Variants in CCR3 observed in about 807,000 individuals in gnomAD.
CCR3 encodes the protein C-C motif chemokine receptor 3.
For missense variants in CCR3, 419 were observed against 437.5 expected (o/e 0.96, Z 0.38); for synonymous variants, 203 against 179.2 (o/e 1.13, Z -1.06).
In CCR3 at chr3:46,265,189, T is replaced by C. The variant is rs747879435; in HGVS notation, c.31T>C (p.Phe11Leu). Residue 11 changes from phenylalanine (F) to leucine (L), a missense_variant, in exon 2 of 2, where the codon TTT (phenylalanine) becomes CTT (leucine). By Grantham distance (22) the Phe-to-Leu change is conservative. Transcript: ENST00000395940. ...AACCTCACTAGATACAGTTGAGACC[T>C]TTGGTACCACATCCTACTATGATGA... Reference protein sequence around the residue: MTTSLDTVETFGTTSYYDDVG... With the variant: MTTSLDTVETLGTTSYYDDVG... The C allele has an allele frequency of 1.2e-6, 2 of 1,613,820 alleles. No homozygotes were observed. Among genetic ancestry groups the C allele is most frequent in the Non-Finnish European group, 1.7e-6 (2 of 1,179,798 alleles).
chr3:46,263,718 C>T (rs1028566206), intron 1 of CCR3: 2 of 152,244 alleles, frequency 1.3e-5, no homozygotes, highest in Admixed American at 6.5e-5. Context: ...CAATGGTCCT[C>T]ACTTTCGATA....
At chr3:46,235,676 T>A (rs2125925820) in intron 2 of CCR3, among the ~76,000 whole-genome samples, 1 of 152,362 alleles carries the variant, frequency 6.6e-6, no homozygotes, top group East Asian at 1.9e-4. Context: ...GAGGACCAGA[T>A]GTTTTTGCCT....
chr3:46,252,745 G>A (rs1201120249), intron 1 of CCR3, among the ~76,000 whole-genome samples: 4 of 152,104 alleles, frequency 2.6e-5, no homozygotes, highest in African/African-American at 9.7e-5. Flanking sequence ...GATTTCATTT[G>A]TTCTGGATGA....
At chr3:46,217,066 G>A (rs1383543775) in intron 2 of CCR3, among the ~76,000 whole-genome samples, 1 of 151,992 alleles carries the variant, frequency 6.6e-6, no homozygotes, top group Non-Finnish European at 1.5e-5. Flanking sequence ...ATGACAGATA[G>A]ATAAAAATCC....
chr3:46,265,027 A>G, intron 1 of CCR3, 121 bp from the exon 2 acceptor site: 1 of 664,646 alleles, frequency 1.5e-6, no homozygotes, highest in Non-Finnish European at 2.6e-6. Flanking sequence ...CATGTTAAAG[A>G]ATCCCTAGGC....
At chr3:46,253,320 A>G (rs966023396) in intron 1 of CCR3, among the ~76,000 whole-genome samples, 9 of 152,112 alleles carry the variant, frequency 5.9e-5, no homozygotes, top group African/African-American at 2.2e-4. Flanking sequence ...GCATCTTTGA[A>G]CTACCTCTTG....
At chr3:46,238,356 T>C (rs749631636), upstream of CCR3, among the ~76,000 whole-genome samples, 1 of 152,260 alleles carries the variant, frequency 6.6e-6, no homozygotes, top group Non-Finnish European at 1.5e-5. Flanking sequence ...TCTTGTGTGC[T>C]TATTTGCCAT....
At position 46,246,582 on chromosome 3, in the gene CCR3, C is replaced by T. The variant is rs575460513; in HGVS notation, c.-12+4044C>T. On this transcript the variant is annotated intron_variant, in intron 1 of 1. Transcript: ENST00000395940. ...AGGCAAGGACCGGCCATTTTCACTG[C>T]TTTTGTGGTGGAATGTCATCAGTTA... Among the ~76,000 whole-genome samples the T allele has an allele frequency of 7.0e-4, 106 of 152,080 alleles. 1 individual carries two copies. Among genetic ancestry groups the T allele is most frequent in the Middle Eastern group, 3.4e-3 (1 of 294 alleles).
intron 2 of CCR3, among the ~76,000 whole-genome samples, chr3:46,222,613 CT>C (rs749614362): frequency 1.3e-5 from 2 of 152,136 alleles, no homozygotes; most frequent in Non-Finnish European, 2.9e-5. Context: ...CGCTCCTCAC[CT>C]TGTTCAAGCA....
intron 1 of CCR3, among the ~76,000 whole-genome samples, chr3:46,260,198 G>A (rs1476855631): frequency 6.6e-6 from 1 of 152,152 alleles, no homozygotes; most frequent in African/African-American, 2.4e-5. Flanking sequence ...TGGGGATTGT[G>A]GGTGTTACAA....
intron 1 of CCR3, among the ~76,000 whole-genome samples, chr3:46,249,937 G>A (rs906393590): frequency 1.3e-5 from 2 of 152,072 alleles, no homozygotes; most frequent in Non-Finnish European, 2.9e-5. Context: ...TGGGGTGTGA[G>A]GGCCAGATTC....
At chr3:46,227,311 A>C (rs1265464813) in intron 2 of CCR3, among the ~76,000 whole-genome samples, 1 of 149,384 alleles carries the variant, frequency 6.7e-6, no homozygotes, top group East Asian at 2.0e-4. Flanking sequence ...TATTCCTTTT[A>C]ATGGCTGAAG....
At chr3:46,243,146 C>T (rs1320372853) in intron 1 of CCR3, among the ~76,000 whole-genome samples, 1 of 151,706 alleles carries the variant, frequency 6.6e-6, no homozygotes, top group Non-Finnish European at 1.5e-5. Context: ...TGATAACCTA[C>T]AAATATCCTC....
upstream of CCR3, among the ~76,000 whole-genome samples, chr3:46,240,329 T>A (rs1010894496): frequency 2.6e-5 from 4 of 152,188 alleles, no homozygotes; most frequent in Middle Eastern, 3.2e-3. Context: ...TGGCTCTTGG[T>A]TCCTGGCATT....
upstream of CCR3, among the ~76,000 whole-genome samples, chr3:46,241,516 T>C (rs1700085285): frequency 6.6e-6 from 1 of 152,238 alleles, no homozygotes; most frequent in African/African-American, 2.4e-5. Flanking sequence ...AGTGGCATTC[T>C]ACCCACACTT....
chr3:46,262,797 CG>C (rs1301059165), intron 1 of CCR3, among the ~76,000 whole-genome samples: 1 of 152,064 alleles, frequency 6.6e-6, no homozygotes, highest in East Asian at 1.9e-4. Context: ...TGGGACCACA[CG>C]TATGCGCCAC....
chr3:46,252,369 A>C (rs944516241), intron 1 of CCR3, among the ~76,000 whole-genome samples: 1 of 151,290 alleles, frequency 6.6e-6, no homozygotes, highest in African/African-American at 2.4e-5. Context: ...AGTAGAGACA[A>C]GGTTTCACCA....
intron 1 of CCR3, among the ~76,000 whole-genome samples, chr3:46,254,962 T>C (rs1371956533): frequency 1.3e-5 from 2 of 152,192 alleles, no homozygotes; most frequent in Middle Eastern, 3.2e-3. Flanking sequence ...CTTTTAATTC[T>C]TCAAGGAATC....
At chr3:46,247,174 T>TA (rs1700213508) in intron 1 of CCR3, among the ~76,000 whole-genome samples, 1 of 152,110 alleles carries the variant, frequency 6.6e-6, no homozygotes, top group African/African-American at 2.4e-5. Context: ...CACGAGGAGA[T>TA]ATCAGCTGTG....
Sources: gnomAD v4.1 joint callset for allele counts (sites outside exome capture counted in the v4.1 genomes callset) on GRCh38, gnomAD v4.1.1 for gene constraint, MANE v1.5 for transcripts, NCBI Gene and HGNC (gene_info 2026-07-23, HGNC 2026-07-21) for gene names.